Variants in COL28A1 observed in about 807,000 individuals in gnomAD.
COL28A1 encodes the protein collagen type XXVIII alpha 1 chain.
COL28A1 carries 161 observed loss-of-function variants against 150.2 expected under a neutral mutation model. The observed-to-expected ratio is 1.07, with a 90% CI of 0.94 to 1.22. The LOEUF is 1.22. Ranked by LOEUF, COL28A1 falls within the 50% of genes most tolerant of loss-of-function variation. The probability of loss-of-function intolerance (pLI) is 0.00; values close to 1 mark genes in which losing one functional copy is unlikely to be tolerated. For synonymous variants in COL28A1, 552 were observed against 469.7 expected, an observed-to-expected ratio of 1.18 and a Z score of -2.26; for missense variants, 1,617 against 1,388.3, an observed-to-expected ratio of 1.16 and a Z score of -2.62.
At chr7:7,489,323 A>G (rs967394623) in intron 13 of COL28A1, 66 bp downstream of exon 13, 14 of 855,194 alleles carry the variant, frequency 1.6e-5, no homozygotes, top group Non-Finnish European at 4.1e-6. Flanking sequence ...CATTTATCCT[A>G]AACAGAAAGA....
chr7:7,539,520 C>T (rs1045537342), upstream of COL28A1, among the ~76,000 whole-genome samples: 1 of 152,082 alleles, frequency 6.6e-6, no homozygotes, highest in Non-Finnish European at 1.5e-5. Context: ...AATTTCAACA[C>T]GAGGTTTGGA....
At chr7:7,529,374 G>A (rs891205939) in intron 3 of COL28A1, among the ~76,000 whole-genome samples, 4 of 151,672 alleles carry the variant, frequency 2.6e-5, no homozygotes, top group Non-Finnish European at 4.4e-5. Context: ...ATTCTTTGAA[G>A]AGCCTAATAA....
chr7:7,521,396 G>A (rs1781716332), intron 5 of COL28A1, among the ~76,000 whole-genome samples: 1 of 152,134 alleles, frequency 6.6e-6, no homozygotes, highest in African/African-American at 2.4e-5. Flanking sequence ...TGGTTGCCAT[G>A]TGCTTACTTC....
At chr7:7,404,574 T>C (rs1447076917) in intron 27 of COL28A1, among the ~76,000 whole-genome samples, 1 of 152,062 alleles carries the variant, frequency 6.6e-6, no homozygotes, top group Non-Finnish European at 1.5e-5. Context: ...TCCTGAAATG[T>C]TCTTCCCTAA....
In COL28A1 at chr7:7,419,950, C is replaced by A; in HGVS notation, c.2002G>T (p.Glu668Ter). ...CCTGGAGGGCCTCTGACCCCAGGCT[C>A]TCCCTGAAAAGACACAACAAATAAC... ...RGVGDTGAKG[E>*]PGVRGPPGPS... Residue 668 changes from glutamate to a stop codon, truncating the protein, a stop_gained, in exon 26 of 35, where the codon GAG becomes TAG. Transcript: ENST00000399429. LOFTEE classifies it high-confidence loss of function. 6.3e-7 allele frequency: 1 copy of A among 1,585,736 alleles called. No individual in the cohort carries two copies. The highest frequency in any genetic ancestry group is 8.6e-7 in the Non-Finnish European group (1 of 1,168,976).
intron 13 of COL28A1, among the ~76,000 whole-genome samples, chr7:7,480,784 T>C (rs1562790879): frequency 6.6e-6 from 1 of 152,164 alleles, no homozygotes; most frequent in Non-Finnish European, 1.5e-5. Flanking sequence ...GCTGACAATA[T>C]TGCATAATAG....
Position 7,507,212 on chromosome 7 carries a change from G to A in COL28A1, c.928-51C>T, listed in dbSNP as rs577644012. 1.2e-4 allele frequency: 96 copies of A among 815,370 alleles called. 1 individual carries two copies. In the African/African-American group the frequency reaches 1.5e-3, roughly 13 times the overall value. The allele number at this position is 815,370 out of a possible 1,614,324, so 50.5% of individuals were successfully genotyped here. ...CTCTCTAAATATACATCTTCAACGT[G>A]CAGTGATTTTAGGTAGGAGGGAAGG... is the stretch of plus-strand genomic sequence containing the variant. On this transcript the variant is annotated intron_variant, in intron 9 of 34. Transcript: ENST00000399429.
chr7:7,448,562 C>A (rs1299185036), intron 18 of COL28A1, among the ~76,000 whole-genome samples: 3 of 150,266 alleles, frequency 2.0e-5, no homozygotes, highest in African/African-American at 7.3e-5. Flanking sequence ...GGTGTTTACC[C>A]AAGAAAAATA....
intron 25 of COL28A1, among the ~76,000 whole-genome samples, chr7:7,420,511 T>A (rs1293540421): frequency 6.6e-6 from 1 of 152,248 alleles, no homozygotes; most frequent in Non-Finnish European, 1.5e-5. Context: ...GAGATGCTAA[T>A]GATGGGAAGA....
At chr7:7,356,075 A>G (rs1438056178), downstream of COL28A1, 1 of 152,212 alleles carries the variant, frequency 6.6e-6, no homozygotes, top group African/African-American at 2.4e-5. Flanking sequence ...AAGTTTTTTA[A>G]AGCTCAAAAA....
chr7:7,442,573 C>A (rs941011984), intron 20 of COL28A1, among the ~76,000 whole-genome samples: 4 of 152,076 alleles, frequency 2.6e-5, no homozygotes, highest in Non-Finnish European at 4.4e-5. Context: ...AATTTCATGT[C>A]CTCACATTTA....
chr7:7,464,380 G>A (rs117944181), intron 15 of COL28A1, among the ~76,000 whole-genome samples: 7,163 of 152,194 alleles, frequency 0.047, 215 homozygotes, highest in South Asian at 0.075. Flanking sequence ...ACAGTGCATG[G>A]TACCTTCTCC....
intron 6 of COL28A1, among the ~76,000 whole-genome samples, chr7:7,518,140 C>G (rs182189422): frequency 1.3e-5 from 2 of 152,298 alleles, no homozygotes; most frequent in East Asian, 3.9e-4. Context: ...ATTATACTCA[C>G]TTGGAGCCAG....
At chr7:7,361,911 T>C (rs543345177) in intron 33 of COL28A1, among the ~76,000 whole-genome samples, 1 of 152,310 alleles carries the variant, frequency 6.6e-6, no homozygotes, top group South Asian at 2.1e-4. Flanking sequence ...ACCATCATTC[T>C]TAGCAAACTA....
downstream of COL28A1, among the ~76,000 whole-genome samples, chr7:7,352,040 G>T (rs1780241084): frequency 6.6e-6 from 1 of 152,226 alleles, no homozygotes; most frequent in East Asian, 1.9e-4. Context: ...GACTTCATCT[G>T]CATGACAAAA....
intron 27 of COL28A1, among the ~76,000 whole-genome samples, chr7:7,413,292 T>C (rs1455754273): frequency 1.3e-5 from 2 of 151,842 alleles, no homozygotes; most frequent in Non-Finnish European, 2.9e-5. Context: ...AGTTGCCATG[T>C]AGACCACCAT....
intron 17 of COL28A1, 101 bp from the exon 18 acceptor site, chr7:7,452,488 C>A: frequency 6.9e-7 from 1 of 1,443,926 alleles, no homozygotes; most frequent in Non-Finnish European, 9.1e-7. Context: ...AAAACAGTTT[C>A]ATGTGCTCAA....
chr7:7,433,184 C>A (rs970013064), intron 23 of COL28A1, among the ~76,000 whole-genome samples: 2 of 152,062 alleles, frequency 1.3e-5, no homozygotes, highest in African/African-American at 4.8e-5. Context: ...AGTAACAGCC[C>A]TTAGTCTCCT....
chr7:7,392,125 C>T (rs187227045), intron 27 of COL28A1, among the ~76,000 whole-genome samples: 1 of 152,180 alleles, frequency 6.6e-6, no homozygotes, highest in Non-Finnish European at 1.5e-5. Flanking sequence ...CTGGTTGTTC[C>T]TTTCCATGTT....
Sources: allele counts gnomAD v4.1 joint callset (sites outside exome capture counted in the v4.1 genomes callset), GRCh38; gene constraint gnomAD v4.1.1; transcripts MANE v1.5; gene names NCBI Gene and HGNC (gene_info 2026-07-23, HGNC 2026-07-21).